Variants in ATP2B1 observed in about 807,000 individuals in gnomAD.
The protein encoded by ATP2B1 is ATPase plasma membrane Ca2+ transporting 1.
A neutral mutation model predicts 124.2 loss-of-function variants in ATP2B1; 14 were observed. The ratio of observed to expected loss-of-function variants is 0.11; its 90% confidence interval spans 0.07 to 0.18. The LOEUF (loss-of-function observed/expected upper bound fraction) is 0.18. Ranked by LOEUF, ATP2B1 falls within the 10% of genes least tolerant of loss-of-function variation. ATP2B1 has a pLI of 1.00. For synonymous variants in ATP2B1, 449 were observed against 492.4 expected, an observed-to-expected ratio of 0.91 and a Z score of 1.17; for missense variants, 763 against 1,466.1, an observed-to-expected ratio of 0.52 and a Z score of 7.83.
chr12:89,646,223 T>C (rs1442228233), intron 2 of ATP2B1, among the ~76,000 whole-genome samples: 3 of 152,116 alleles, frequency 2.0e-5, no homozygotes, highest in Admixed American at 1.3e-4. Context: ...TTCTGTTTCA[T>C]AGATTTAAAC....
chr12:89,649,147 TC>T, intron 2 of ATP2B1, among the ~76,000 whole-genome samples: 1 of 152,132 alleles, frequency 6.6e-6, no homozygotes, highest in East Asian at 1.9e-4. Flanking sequence ...ACCCACAAAG[TC>T]CCCCCACTAG....
chr12:89,607,751 T>C (rs1236722822), intron 15 of ATP2B1, among the ~76,000 whole-genome samples: 4 of 152,174 alleles, frequency 2.6e-5, no homozygotes, highest in East Asian at 3.9e-4. Flanking sequence ...ATGTAGATAA[T>C]TGTTACACTA....
At chr12:89,681,167 T>TGTTA (rs1203041135) in intron 1 of ATP2B1, among the ~76,000 whole-genome samples, 1 of 152,100 alleles carries the variant, frequency 6.6e-6, no homozygotes, top group African/African-American at 2.4e-5. Context: ...AGAATGCATA[T>TGTTA]GTTATACACA....
At chr12:89,624,451 C>A (rs1012402598) in intron 8 of ATP2B1, 54 bp from the exon 9 acceptor site, 3 of 1,409,138 alleles carry the variant, frequency 2.1e-6, no homozygotes, top group Admixed American at 1.9e-5. Context: ...CAGACACTAA[C>A]CCTTGCCAGA....
chr12:89,599,439 T>G, intron 19 of ATP2B1, 140 bp from the exon 20 acceptor site: 2 of 899,774 alleles, frequency 2.2e-6, no homozygotes, highest in Non-Finnish European at 3.3e-6. Context: ...TGTTGATTAG[T>G]CTTTCTCTCC....
At position 89,616,946 on chromosome 12, in the gene ATP2B1, T is replaced by C. The variant is rs1879067097; in HGVS notation, c.1923A>G (p.Ala641=). 2 of 1,614,046 alleles carry C rather than the reference T, an allele frequency of 1.2e-6. No homozygotes were observed. Among genetic ancestry groups the C allele is most frequent in the East Asian group, 2.2e-5 (1 of 44,892 alleles). Residue 641 remains alanine (A), a synonymous_variant, in exon 12 of 21, where the codon GCA becomes GCG. Coordinates refer to ENST00000428670, the MANE Select transcript of ATP2B1 (RefSeq NM_001366521.1). ...GACATATGGTTCTCAAGCCTTCTGA[T>C]GCCATCGGTTCAATCACAGTTTTTA... ...DIVKTVIEPM[A]SEGLRTICLA... is the part of the protein sequence containing the mutation.
intron 19 of ATP2B1, among the ~76,000 whole-genome samples, chr12:89,600,648 AT>A (rs397850977): frequency 0.15 from 21,579 of 139,754 alleles, 1,455 homozygotes; most frequent in Non-Finnish European, 0.2. Context: ...ATGACAATGT[AT>A]TTTTTTTTTT....
chr12:89,659,497 C>T (rs2136400294), intron 1 of ATP2B1, among the ~76,000 whole-genome samples: 1 of 152,142 alleles, frequency 6.6e-6, no homozygotes, highest in South Asian at 2.1e-4. Flanking sequence ...ATGGGTAGGG[C>T]CTTAGAAAAA....
At chr12:89,644,287 A>G (rs1565863709) in intron 2 of ATP2B1, among the ~76,000 whole-genome samples, 1 of 152,260 alleles carries the variant, frequency 6.6e-6, no homozygotes, top group African/African-American at 2.4e-5. Context: ...AAAACAGTAG[A>G]TTACTGTTAA....
intron 5 of ATP2B1, among the ~76,000 whole-genome samples, chr12:89,632,898 C>T (rs1357145500): frequency 6.6e-6 from 1 of 152,126 alleles, no homozygotes; most frequent in Non-Finnish European, 1.5e-5. Context: ...GCTTACCAGT[C>T]ATCTCTGTTA....
rs780723685 is a variant in ATP2B1, at chr12:89,620,226, C to T, written c.1602G>A (p.Glu534=). ...YTSKILPPEK[E]GGLPRHVGNK... is the part of the protein sequence containing the mutation. Reference sequence around the variant, plus strand: ...TACCAACGTGACGAGGTAATCCACCCTCTTTCTCTGGTGGCTATAAGAGAA... The same window carrying T: ...TACCAACGTGACGAGGTAATCCACCTTCTTTCTCTGGTGGCTATAAGAGAA... The change falls in exon 11 of 21, where the codon GAG becomes GAA. Residue 534 remains glutamate, a synonymous_variant. Transcript: ENST00000428670. 6.2e-7 allele frequency: 1 copy of T among 1,613,960 alleles called. No individual in the cohort carries two copies. The highest frequency in any genetic ancestry group is 2.2e-5 in the East Asian group (1 of 44,862).
chr12:89,609,464 G>A (rs1204719625), intron 15 of ATP2B1, among the ~76,000 whole-genome samples: 7 of 151,716 alleles, frequency 4.6e-5, no homozygotes, highest in Non-Finnish European at 1.0e-4. Context: ...GAGGACTTTG[G>A]GGAAAACAAG....
chr12:89,699,087 A>C (rs529413430), intron 1 of ATP2B1, among the ~76,000 whole-genome samples: 1 of 152,270 alleles, frequency 6.6e-6, no homozygotes, highest in African/African-American at 2.4e-5. Context: ...TCCCCTCTTC[A>C]CCATGGGTCC....
At chr12:89,700,369 C>T (rs1309996179) in intron 1 of ATP2B1, among the ~76,000 whole-genome samples, 4 of 152,092 alleles carry the variant, frequency 2.6e-5, no homozygotes, top group Non-Finnish European at 5.9e-5. Context: ...CTCAGTAGTT[C>T]TCCGCTATGG....
chr12:89,675,950 T>A (rs942670503), intron 1 of ATP2B1, among the ~76,000 whole-genome samples: 7 of 152,176 alleles, frequency 4.6e-5, no homozygotes, highest in Admixed American at 2.6e-4. Flanking sequence ...AACAAATCAA[T>A]TTAGACTGGA....
chr12:89,672,067 G>T (rs1888064523), intron 1 of ATP2B1, among the ~76,000 whole-genome samples: 1 of 152,098 alleles, frequency 6.6e-6, no homozygotes, highest in African/African-American at 2.4e-5. Context: ...AAGCAACAAC[G>T]AAATGACAAA....
chr12:89,655,753 G>C lies in ATP2B1; in HGVS notation c.134C>G (p.Ala45Gly), dbSNP rs1209005873. ...RALMELRSTD[A>G]LRKIQESYGD... ...ATAGCTTTCCTGTATTTTTCGTAAT[G>C]CATCTGTGGACCTGAGCTCCATGAG... Residue 45 changes from alanine to glycine, a missense_variant, in exon 2 of 21, where the codon GCA becomes GGA. Physicochemically the swap from Ala to Gly is moderately conservative, Grantham distance 60 (BLOSUM62 0). Around this residue, in one of 7 missense-constraint regions of ATP2B1, gnomAD observed 93 missense variants for 112.7 expected, o/e 0.83. Coordinates refer to ENST00000428670, the MANE Select transcript of ATP2B1 (RefSeq NM_001366521.1). The C allele has an allele frequency of 6.2e-7, 1 of 1,614,016 alleles. No individual in the cohort carries two copies. Among genetic ancestry groups the C allele is most frequent in the Non-Finnish European group, 8.5e-7 (1 of 1,180,010 alleles).
chr12:89,663,452 G>GA (rs1172907500), intron 1 of ATP2B1, among the ~76,000 whole-genome samples: 3 of 152,048 alleles, frequency 2.0e-5, no homozygotes, highest in African/African-American at 7.2e-5. Context: ...ACATTTATTT[G>GA]AAAAATAATT....
At chr12:89,592,042 CAAGAAGACACAAAG>C (rs1873673374) in intron 20 of ATP2B1, among the ~76,000 whole-genome samples, 1 of 151,888 alleles carries the variant, frequency 6.6e-6, no homozygotes, top group Non-Finnish European at 1.5e-5. Context: ...AAAAATTTCC[CAAGAAGACACAAAG>C]TGTTAAAAGT....
Sources: allele counts gnomAD v4.1 joint callset (sites outside exome capture counted in the v4.1 genomes callset), GRCh38; gene constraint gnomAD v4.1.1; regional missense constraint gnomAD v4.1.1; transcripts MANE v1.5; gene names NCBI Gene and HGNC (gene_info 2026-07-23, HGNC 2026-07-21).